Variants in MDGA2 observed in about 807,000 individuals in gnomAD.
The protein encoded by MDGA2 is MAM domain-containing glycosylphosphatidylinositol anchor protein 2.
A neutral mutation model predicts 117.8 loss-of-function variants in MDGA2; 40 were observed. That is an observed-to-expected ratio of 0.34 (90% CI 0.26 to 0.44). The LOEUF is 0.44. Among genes scored for constraint, MDGA2 ranks in the 20% least tolerant of loss-of-function variants. The pLI is 1.00. For missense variants in MDGA2, 1,123 were observed against 1,250.6 expected, an observed-to-expected ratio of 0.90 and a Z score of 1.54; for synonymous variants, 452 against 439.0, an observed-to-expected ratio of 1.03 and a Z score of -0.37.
chr14:47,078,260 C>T (rs908875602), intron 6 of MDGA2, among the ~76,000 whole-genome samples: 2 of 152,062 alleles, frequency 1.3e-5, no homozygotes, highest in Non-Finnish European at 2.9e-5. Flanking sequence ...ATGAGATCTA[C>T]TGACCTAGAA....
intron 1 of MDGA2, among the ~76,000 whole-genome samples, chr14:47,666,267 G>A (rs1325117958): frequency 2.0e-5 from 3 of 152,128 alleles, no homozygotes; most frequent in Admixed American, 6.5e-5. Flanking sequence ...CTAGCTCAAG[G>A]TTTGTAAATG....
At chr14:47,345,652 A>G (rs17118372) in intron 1 of MDGA2, among the ~76,000 whole-genome samples, 35,361 of 152,014 alleles carry the variant, frequency 0.23, 4,257 homozygotes, top group African/African-American at 0.25. Flanking sequence ...CAGAAATCTG[A>G]CAATTTCCAC....
intron 1 of MDGA2, among the ~76,000 whole-genome samples, chr14:47,512,556 C>T (rs1485616743): frequency 6.6e-6 from 1 of 152,090 alleles, no homozygotes; most frequent in African/African-American, 2.4e-5. Flanking sequence ...TTAAGAGATG[C>T]TTTGTTCTAT....
intron 1 of MDGA2, among the ~76,000 whole-genome samples, chr14:47,315,900 T>C (rs1889794076): frequency 6.6e-6 from 1 of 151,288 alleles, no homozygotes; most frequent in South Asian, 2.1e-4. Flanking sequence ...TTTTTTCACA[T>C]CTGCCTAATG....
At chr14:47,080,578 A>G (rs1011519179) in intron 6 of MDGA2, among the ~76,000 whole-genome samples, 6 of 152,116 alleles carry the variant, frequency 3.9e-5, no homozygotes, top group Non-Finnish European at 4.4e-5. Context: ...TGTTCTTACT[A>G]TCCTCAAAAC....
intron 8 of MDGA2, among the ~76,000 whole-genome samples, chr14:46,960,126 CA>C (rs1312273222): frequency 6.6e-6 from 1 of 151,906 alleles, no homozygotes; most frequent in African/African-American, 2.4e-5. Context: ...GAGGCTGAGG[CA>C]GGGGAATCGC....
intron 1 of MDGA2, among the ~76,000 whole-genome samples, chr14:47,531,741 A>G (rs530710269): frequency 1.3e-5 from 2 of 152,352 alleles, no homozygotes; most frequent in East Asian, 3.9e-4. Context: ...TGACTGCAAC[A>G]CTGAATGCAT....
intron 1 of MDGA2, among the ~76,000 whole-genome samples, chr14:47,601,245 T>C (rs1384854154): frequency 6.6e-6 from 1 of 152,154 alleles, no homozygotes. Context: ...TGAAGGTCTC[T>C]AATATTTAAA....
rs1426652499 is a variant in MDGA2 at position 47,295,961 on chromosome 14, GA to G, written c.420+5449del. On this transcript the variant is annotated intron_variant, in intron 2 of 16. Transcript: ENST00000399232. ...AGATAGATAGATAGATAGATAGATA[GA>G]TAGATAGATAGATAGATATAGTAAA... Among the ~76,000 whole-genome samples, 371 of 151,564 alleles carry G rather than the reference GA, an allele frequency of 2.4e-3. 2 individuals carry two copies. The highest frequency in any genetic ancestry group is 8.6e-3 in the African/African-American group (357 of 41,370).
chr14:47,155,978 C>T (rs1883369692), intron 3 of MDGA2, among the ~76,000 whole-genome samples: 1 of 136,114 alleles, frequency 7.3e-6, no homozygotes, highest in Non-Finnish European at 1.5e-5. Context: ...GGCGCGATCT[C>T]GGCTCACTGC....
At chr14:47,445,450 C>T (rs1216877131) in intron 1 of MDGA2, among the ~76,000 whole-genome samples, 1 of 152,088 alleles carries the variant, frequency 6.6e-6, no homozygotes. Flanking sequence ...CCCCAGAATT[C>T]AAAACAACAA....
At chr14:47,034,887 T>G in intron 8 of MDGA2, 124 bp downstream of exon 8, 1 of 804,144 alleles carries the variant, frequency 1.2e-6, no homozygotes, top group Non-Finnish European at 2.0e-6. Context: ...TTCAATCCAA[T>G]GTAGAAATGT....
chr14:47,345,803 CAA>C (rs1210384298), intron 1 of MDGA2, among the ~76,000 whole-genome samples: 1 of 152,020 alleles, frequency 6.6e-6, no homozygotes, highest in Non-Finnish European at 1.5e-5. Context: ...ATTATAAACA[CAA>C]ATACATTTGG....
At chr14:47,577,758 A>T (rs1896142721) in intron 1 of MDGA2, among the ~76,000 whole-genome samples, 2 of 152,236 alleles carry the variant, frequency 1.3e-5, no homozygotes, top group South Asian at 4.1e-4. Flanking sequence ...ATTATTAAAA[A>T]TTCAATAAAC....
intron 3 of MDGA2, among the ~76,000 whole-genome samples, chr14:47,159,041 A>G (rs1883525068): frequency 6.6e-6 from 1 of 152,234 alleles, no homozygotes; most frequent in South Asian, 2.1e-4. Flanking sequence ...TTTGTAGGGA[A>G]GGAGGGATAA....
At chr14:47,602,300 C>A (rs1241024559) in intron 1 of MDGA2, among the ~76,000 whole-genome samples, 1 of 152,108 alleles carries the variant, frequency 6.6e-6, no homozygotes, top group Non-Finnish European at 1.5e-5. Flanking sequence ...AGAGTCCCAG[C>A]ATGGAGTGAG....
intron 6 of MDGA2, among the ~76,000 whole-genome samples, chr14:47,087,276 A>T (rs1890934943): frequency 6.6e-6 from 1 of 151,796 alleles, no homozygotes; most frequent in African/African-American, 2.4e-5. Context: ...GCACTTTGGG[A>T]GGCCTAGGCA....
At chr14:47,032,106 A>G (rs1888683902) in intron 8 of MDGA2, among the ~76,000 whole-genome samples, 1 of 152,192 alleles carries the variant, frequency 6.6e-6, no homozygotes, top group African/African-American at 2.4e-5. Context: ...CAAAATATAT[A>G]AAGCATAGCT....
chr14:47,399,316 T>C (rs563306717), intron 1 of MDGA2, among the ~76,000 whole-genome samples: 1 of 152,142 alleles, frequency 6.6e-6, no homozygotes, highest in South Asian at 2.1e-4. Flanking sequence ...CCCCAGTTAC[T>C]TGACGATGAG....
Sources: allele counts gnomAD v4.1 joint callset (sites outside exome capture counted in the v4.1 genomes callset), GRCh38; gene constraint gnomAD v4.1.1; transcripts MANE v1.5; gene names NCBI Gene and HGNC (gene_info 2026-07-23, HGNC 2026-07-21).